HDAC9: variants seen among roughly 807,000 people sequenced by gnomAD.
The protein encoded by HDAC9 is MEF-2 interacting transcription repressor (MITR) protein.
HDAC9 carries 41 observed loss-of-function variants against 139.4 expected under a neutral mutation model. The ratio of observed to expected loss-of-function variants is 0.29; its 90% CI spans 0.23 to 0.38. HDAC9 has a LOEUF of 0.38. HDAC9 is among the 10% of genes least tolerant of loss of function. HDAC9 has a pLI of 1.00. For missense variants in HDAC9, 1,147 were observed against 1,297.0 expected (o/e 0.88, Z 1.78); for synonymous variants, 517 against 476.2 (o/e 1.09, Z -1.12).
At chr7:18,639,460 T>C (rs572002232) in intron 8 of HDAC9, among the ~76,000 whole-genome samples, 7 of 152,084 alleles carry the variant, frequency 4.6e-5, no homozygotes, top group South Asian at 4.2e-4. Context: ...CTTTCTTTTT[T>C]TGTTTTTTGT....
chr7:18,116,603 G>A (rs1024860736), intron 1 of HDAC9, among the ~76,000 whole-genome samples: 1 of 151,708 alleles, frequency 6.6e-6, no homozygotes, highest in Non-Finnish European at 1.5e-5. Flanking sequence ...GTTAACATAC[G>A]TATCAAATAA....
intron 1 of HDAC9, among the ~76,000 whole-genome samples, chr7:18,402,324 A>T (rs781695475): frequency 6.6e-6 from 1 of 152,196 alleles, no homozygotes. Context: ...AGAGCTCAAC[A>T]AAGGCCTCCT....
chr7:18,138,212 C>T (rs1293944338), intron 1 of HDAC9, among the ~76,000 whole-genome samples: 1 of 151,812 alleles, frequency 6.6e-6, no homozygotes, highest in Non-Finnish European at 1.5e-5. Context: ...CTTTATTAGT[C>T]TTGCTAGTGG....
intron 3 of HDAC9, among the ~76,000 whole-genome samples, chr7:18,586,110 T>C (rs1191865237): frequency 6.6e-6 from 1 of 152,170 alleles, no homozygotes; most frequent in Non-Finnish European, 1.5e-5. Context: ...TAGATAAGAA[T>C]TTATTGAAAG....
chr7:18,342,796 C>T (rs1445429766), intron 1 of HDAC9, among the ~76,000 whole-genome samples: 1 of 151,794 alleles, frequency 6.6e-6, no homozygotes, highest in Non-Finnish European at 1.5e-5. Flanking sequence ...TGCTGTCTGT[C>T]CACTTATATT....
At chr7:18,401,654 C>T (rs1787554472) in intron 1 of HDAC9, among the ~76,000 whole-genome samples, 1 of 152,172 alleles carries the variant, frequency 6.6e-6, no homozygotes, top group Non-Finnish European at 1.5e-5. Flanking sequence ...GCCTCAGTTA[C>T]ATCATGTATA....
At chr7:18,096,802 T>C (rs758398781) in intron 1 of HDAC9, among the ~76,000 whole-genome samples, 1 of 152,196 alleles carries the variant, frequency 6.6e-6, no homozygotes, top group Non-Finnish European at 1.5e-5. Flanking sequence ...ATCTGTGGTC[T>C]CTGAATGCGT....
intron 2 of HDAC9, among the ~76,000 whole-genome samples, chr7:18,240,169 G>T (rs1251646224): frequency 6.6e-6 from 1 of 152,040 alleles, no homozygotes; most frequent in Non-Finnish European, 1.5e-5. Flanking sequence ...CTATTTCCTA[G>T]ATTTATAACT....
chr7:18,943,823 G>T (rs914986589), intron 23 of HDAC9, among the ~76,000 whole-genome samples: 5 of 151,994 alleles, frequency 3.3e-5, no homozygotes, highest in Non-Finnish European at 7.4e-5. Context: ...ATTGACCAGA[G>T]ATATTTCTTT....
intron 21 of HDAC9, among the ~76,000 whole-genome samples, chr7:18,838,827 C>G (rs570570841): frequency 2.4e-4 from 37 of 152,038 alleles, no homozygotes; most frequent in African/African-American, 8.9e-4. Context: ...GAAAATCTCT[C>G]TCCCTGTGAA....
chr7:18,268,850 C>A (rs748883535), intron 2 of HDAC9, among the ~76,000 whole-genome samples: 2 of 152,184 alleles, frequency 1.3e-5, no homozygotes, highest in Non-Finnish European at 2.9e-5. Flanking sequence ...AGAACAGTTT[C>A]TTTTCTAGAG....
chr7:18,624,299 A>G lies in HDAC9; in HGVS notation c.665-5051A>G, dbSNP rs28571726. On this transcript the variant is annotated intron_variant, in intron 6 of 25. Transcript: ENST00000686413. Reference sequence around the variant, plus strand: ...TTAGTTCATGAGGCATTCTTCAGATATTTTCTGTTTCCTTTTATTGAGGAT... The same window carrying G: ...TTAGTTCATGAGGCATTCTTCAGATGTTTTCTGTTTCCTTTTATTGAGGAT... 6.7e-3 allele frequency among the ~76,000 whole-genome samples: 1,023 copies of G among 152,146 alleles called. 8 individuals carry two copies. The highest frequency in any genetic ancestry group is 0.024 in the African/African-American group (980 of 41,526).
At chr7:18,787,477 T>C (rs1262625561) in intron 16 of HDAC9, among the ~76,000 whole-genome samples, 5 of 152,226 alleles carry the variant, frequency 3.3e-5, no homozygotes, top group African/African-American at 7.2e-5. Flanking sequence ...TGTGGACCTA[T>C]TTCTCAGCAG....
At chr7:18,940,709 G>A (rs1173474257) in intron 23 of HDAC9, among the ~76,000 whole-genome samples, 5 of 152,078 alleles carry the variant, frequency 3.3e-5, no homozygotes, top group Non-Finnish European at 5.9e-5. Context: ...GAGCTGATTG[G>A]CAAACAGTGT....
At position 18,525,061 on chromosome 7, in the gene HDAC9, A is replaced by G. The variant is rs760947836; in HGVS notation, c.22+28737A>G. ...TAGTAATGGATTTAATTTTTTTAGT[A>G]TGCTATTCATTACAAACTAGAAAAA... is the stretch of plus-strand genomic sequence containing the variant. On this transcript the variant is annotated intron_variant, in intron 2 of 25. Coordinates refer to ENST00000686413, the MANE Select transcript of HDAC9 (RefSeq NM_178425.4). Among the ~76,000 whole-genome samples, 29 of 152,266 alleles carry G rather than the reference A, an allele frequency of 1.9e-4. No individual in the cohort carries two copies. The Middle Eastern group carries it at 0.01, about 54-fold the overall frequency.
intron 2 of HDAC9, among the ~76,000 whole-genome samples, chr7:18,222,534 C>A (rs964450468): frequency 6.6e-6 from 1 of 152,044 alleles, no homozygotes; most frequent in Non-Finnish European, 1.5e-5. Context: ...AGTATTGAAA[C>A]AGTACTGGAC....
intron 22 of HDAC9, among the ~76,000 whole-genome samples, chr7:18,930,228 A>G (rs575505034): frequency 3.5e-4 from 53 of 152,238 alleles, no homozygotes; most frequent in African/African-American, 1.2e-3. Context: ...GTATAGGAAC[A>G]CGTTTTCCAC....
chr7:18,671,596 A>G (rs1448834640), intron 12 of HDAC9, among the ~76,000 whole-genome samples: 1 of 152,022 alleles, frequency 6.6e-6, no homozygotes, highest in Non-Finnish European at 1.5e-5. Flanking sequence ...CACTATATTT[A>G]CTGGAATTAC....
intron 6 of HDAC9, among the ~76,000 whole-genome samples, chr7:18,623,374 C>T (rs568865256): frequency 1.3e-5 from 2 of 152,290 alleles, no homozygotes; most frequent in East Asian, 1.9e-4. Flanking sequence ...TGTTTTCAAA[C>T]ATTACACTAG....
Sources: gnomAD v4.1 joint callset for allele counts (sites outside exome capture counted in the v4.1 genomes callset) on GRCh38, gnomAD v4.1.1 for gene constraint, MANE v1.5 for transcripts, NCBI Gene and HGNC (gene_info 2026-07-23, HGNC 2026-07-21) for gene names.